ZNF33A: variants seen among roughly 807,000 people sequenced by gnomAD.
ZNF33A encodes brain my041 protein.
In ZNF33A, 9 loss-of-function variants were observed where a neutral mutation model predicts 15.9. The observed-to-expected ratio is 0.57, with a 90% confidence interval of 0.34 to 0.99. The LOEUF is 0.99. ZNF33A is among the 50% of genes least tolerant of loss of function. The probability of loss-of-function intolerance (pLI) is 0.02; values close to 1 mark genes in which losing one functional copy is unlikely to be tolerated. For synonymous variants in ZNF33A, 294 were observed against 324.2 expected (o/e 0.91, Z 1.00); for missense variants, 843 against 941.6 (o/e 0.90, Z 1.37).
upstream of ZNF33A, chr10:38,010,636 G>T (rs1445722570): frequency 2.1e-6 from 3 of 1,417,380 alleles, no homozygotes; most frequent in African/African-American, 1.4e-5. Flanking sequence ...AGCTGTGCGC[G>T]TGGGCTCTGC....
chr10:38,033,619 A>G (rs1009122471), intron 4 of ZNF33A, among the ~76,000 whole-genome samples: 9 of 152,090 alleles, frequency 5.9e-5, no homozygotes, highest in African/African-American at 2.2e-4. Context: ...ATTTTTTATT[A>G]ATATTAATAT....
downstream of ZNF33A, among the ~76,000 whole-genome samples, chr10:38,065,969 G>A (rs917681985): frequency 3.9e-5 from 6 of 152,020 alleles, no homozygotes; most frequent in African/African-American, 1.4e-4. Flanking sequence ...TGGGATTACC[G>A]ACGTGAGCCA....
intron 4 of ZNF33A, among the ~76,000 whole-genome samples, chr10:38,045,383 A>G (rs2065903720): frequency 6.6e-6 from 1 of 152,022 alleles, no homozygotes; most frequent in African/African-American, 2.4e-5. Flanking sequence ...TTGCTGTTAT[A>G]CTTTGCTGAT....
chr10:38,036,253 A>G (rs1316565800), intron 4 of ZNF33A, among the ~76,000 whole-genome samples: 5 of 152,110 alleles, frequency 3.3e-5, no homozygotes, highest in Admixed American at 2.0e-4. Context: ...CAGCCTGGCC[A>G]ACGTGGTAAA....
chr10:38,016,032 T>C, intron 2 of ZNF33A: 1 of 1,231,016 alleles, frequency 8.1e-7, no homozygotes, highest in Non-Finnish European at 1.0e-6. Flanking sequence ...TCTTCTCCGC[T>C]GTACTCCACA....
intron 4 of ZNF33A, among the ~76,000 whole-genome samples, chr10:38,024,835 C>A (rs1731697740): frequency 6.6e-6 from 1 of 152,240 alleles, no homozygotes; most frequent in African/African-American, 2.4e-5. Context: ...TTTGCACTGT[C>A]CTGTCCCAGG....
At chr10:38,042,281 G>C (rs2065740067) in intron 4 of ZNF33A, among the ~76,000 whole-genome samples, 1 of 151,710 alleles carries the variant, frequency 6.6e-6, no homozygotes, top group African/African-American at 2.4e-5. Context: ...TGCCTCCTGG[G>C]TTCAAGCGAT....
At position 38,017,330 on chromosome 10, in the gene ZNF33A, A is replaced by G. The variant is rs769820307; in HGVS notation, c.194A>G (p.Gln65Arg). The change falls in exon 4 of 5, where the codon CAA (glutamine) becomes CGA (arginine). Residue 65 changes from glutamine to arginine, a missense_variant. Gln to Arg is a conservative substitution (Grantham distance 43). Coordinates refer to ENST00000432900, the MANE Select transcript of ZNF33A (RefSeq NM_006954.2). Reference protein sequence around the residue: ...VHKPEVIFRLQQGEEPWKQEE... With the variant: ...VHKPEVIFRLRQGEEPWKQEE... The stretch of plus-strand genomic sequence containing the variant: ...AAACCAGAGGTGATCTTCAGGCTGC[A>G]ACAAGGAGAAGAGCCATGGAAACAG... 6.2e-7 allele frequency: 1 copy of G among 1,614,094 alleles called. No homozygotes were observed. Among genetic ancestry groups the G allele is most frequent in the South Asian group, 1.1e-5 (1 of 91,084 alleles).
downstream of ZNF33A, among the ~76,000 whole-genome samples, chr10:38,061,740 CA>C (rs2066656274): frequency 6.6e-6 from 1 of 152,076 alleles, no homozygotes; most frequent in Non-Finnish European, 1.5e-5. Flanking sequence ...GCGGCAGGAT[CA>C]CTTGAGGTCA....
At chr10:38,016,552 A>T (rs1564833466) in intron 2 of ZNF33A, among the ~76,000 whole-genome samples, 1 of 152,220 alleles carries the variant, frequency 6.6e-6, no homozygotes, top group Non-Finnish European at 1.5e-5. Context: ...ATGTTAGTCT[A>T]CTGTGTTTGT....
At chr10:38,062,680 C>T (rs1284546180), downstream of ZNF33A, among the ~76,000 whole-genome samples, 1 of 152,066 alleles carries the variant, frequency 6.6e-6, no homozygotes. Flanking sequence ...TGCACTCCAG[C>T]CTGGGTGACA....
intron 4 of ZNF33A, among the ~76,000 whole-genome samples, chr10:38,021,429 T>A (rs200169451): frequency 3.0e-3 from 23 of 7,552 alleles, no homozygotes; most frequent in East Asian, 5.6e-3. Flanking sequence ...AGCCATGAGG[T>A]CAGGAATTCA....
At chr10:38,041,155 A>G (rs1325423471) in intron 4 of ZNF33A, among the ~76,000 whole-genome samples, 2 of 151,968 alleles carry the variant, frequency 1.3e-5, no homozygotes, top group African/African-American at 4.8e-5. Context: ...CGAGGGTACA[A>G]GTGCAGTTTT....
rs2066496934 is a variant in ZNF33A, at chr10:38,056,564, T to G, written c.*4T>G. 6.4e-7 allele frequency: 1 copy of G among 1,551,924 alleles called. No homozygotes were observed. Among genetic ancestry groups the G allele is most frequent in the African/African-American group, 1.4e-5 (1 of 72,758 alleles). ...TGACATCCTGAATGTTCAGTAACTATCCACAAACTCACCTTATGTTACTCC... is the reference window on the plus strand; with the variant it reads ...TGACATCCTGAATGTTCAGTAACTAGCCACAAACTCACCTTATGTTACTCC... On this transcript the variant is annotated 3_prime_UTR_variant, in exon 5 of 5. Coordinates refer to ENST00000432900, the MANE Select transcript of ZNF33A (RefSeq NM_006954.2).
rs545555155 is a variant in ZNF33A, at chr10:38,043,919, T to G, written c.251-10456T>G. ...AACTTGTGTGTCATTCTTGTGTAGC[T>G]GCTGTGCTAATCTTGGTATTGTTCC... On this transcript the variant is annotated intron_variant, in intron 4 of 4. Coordinates refer to ENST00000432900, the MANE Select transcript of ZNF33A (RefSeq NM_006954.2). The G allele has an allele frequency of 8.2e-4, 125 of 152,034 alleles. 1 individual carries two copies. Among genetic ancestry groups the G allele is most frequent in the Middle Eastern group, 3.4e-3 (1 of 294 alleles). The allele number at this position is 152,034 out of a possible 1,614,324, so 9.4% of individuals were successfully genotyped here.
rs2066562734 is a variant in ZNF33A at position 38,058,224 on chromosome 10, T to A, written c.*1664T>A. On this transcript the variant is annotated 3_prime_UTR_variant, in exon 5 of 5. Coordinates refer to ENST00000432900, the MANE Select transcript of ZNF33A (RefSeq NM_006954.2). ...GGTTCCTTGAAAAGGTCAGTAAAAT[T>A]GATAAACCTCTAGCTAGCTTAAGAA... 4.5e-6 allele frequency: 1 copy of A among 221,874 alleles called. No homozygotes were observed. Among genetic ancestry groups the A allele is most frequent in the Non-Finnish European group, 7.6e-6 (1 of 132,250 alleles). 13.7% of individuals were successfully genotyped at this position (221,874 alleles called of 1,614,324 possible). A position where few individuals can be genotyped will look rare whatever the true frequency, so the allele number is the denominator to read the frequency against.
chr10:38,056,655 A>T lies in ZNF33A; in HGVS notation c.*95A>T. ...ATAGGACAGCTTTTGTTAGGAAGTGATATTCTATGTAATATCAGATGGTTA... is the reference window on the plus strand; with the variant it reads ...ATAGGACAGCTTTTGTTAGGAAGTGTTATTCTATGTAATATCAGATGGTTA... On this transcript the variant is annotated 3_prime_UTR_variant, in exon 5 of 5. Coordinates refer to ENST00000432900, the MANE Select transcript of ZNF33A (RefSeq NM_006954.2). The T allele has an allele frequency of 6.9e-7, 1 of 1,459,730 alleles. No individual in the cohort carries two copies. The highest frequency in any genetic ancestry group is 9.0e-7 in the Non-Finnish European group (1 of 1,112,652). The allele number at this position is 1,459,730 out of a possible 1,614,324, so 90.4% of individuals were successfully genotyped here.
rs1564877786 is a variant in ZNF33A at position 38,054,984 on chromosome 10, A to G, written c.860A>G (p.Lys287Arg). The G allele has an allele frequency of 5.6e-6, 9 of 1,614,134 alleles. No individual in the cohort carries two copies. The highest frequency in any genetic ancestry group is 7.6e-6 in the Non-Finnish European group (9 of 1,179,994). Reference sequence around the variant, plus strand: ...GATTGTGAGAAGTTCTTATGTGTGAAGTCCACCCTTTCTAAACCTCATGGG... The same window carrying G: ...GATTGTGAGAAGTTCTTATGTGTGAGGTCCACCCTTTCTAAACCTCATGGG... The part of the protein sequence containing the change: ...FSDCEKFLCV[K>R]STLSKPHGVS... The change falls in exon 5 of 5, where the codon AAG becomes AGG. Residue 287 changes from lysine to arginine, a missense_variant. By Grantham distance (26) the Lys-to-Arg change is conservative. Transcript: ENST00000432900.
chr10:38,045,753 T>C (rs1392981250), intron 4 of ZNF33A, among the ~76,000 whole-genome samples: 4 of 152,168 alleles, frequency 2.6e-5, no homozygotes, highest in East Asian at 1.9e-4. Context: ...CTCTTCTTAA[T>C]TGGTTATCAT....
Sources: allele counts gnomAD v4.1 joint callset (sites outside exome capture counted in the v4.1 genomes callset), GRCh38; gene constraint gnomAD v4.1.1; transcripts MANE v1.5; gene names NCBI Gene and HGNC (gene_info 2026-07-23, HGNC 2026-07-21).